DOCK8: variants seen among roughly 807,000 people sequenced by gnomAD.
DOCK8 encodes dedicator of cytokinesis protein 8.
DOCK8 carries 141 observed loss-of-function variants against 245.6 expected under a neutral mutation model. The ratio of observed to expected loss-of-function variants is 0.57; its 90% CI spans 0.50 to 0.66. The LOEUF is 0.66. Ranked by LOEUF, DOCK8 falls within the 30% of genes least tolerant of loss-of-function variation. The pLI, the probability that DOCK8 is intolerant of heterozygous loss-of-function variation, is 0.00. For missense variants in DOCK8, 2,965 were observed against 2,603.4 expected (o/e 1.14, Z -3.02); for synonymous variants, 1,168 against 970.2 (o/e 1.20, Z -3.79).
chr9:238,139 G>T (rs1412263865), intron 1 of DOCK8, among the ~76,000 whole-genome samples: 1 of 152,108 alleles, frequency 6.6e-6, no homozygotes, highest in Non-Finnish European at 1.5e-5. Context: ...ATTCATGTTG[G>T]CAGTTGTTTT....
At chr9:360,830 A>T (rs376367390) in intron 14 of DOCK8, among the ~76,000 whole-genome samples, 20 of 152,230 alleles carry the variant, frequency 1.3e-4, no homozygotes, top group Admixed American at 5.2e-4. Context: ...GATTTTAGTC[A>T]CTAAATGGAG....
chr9:290,420 T>A (rs1030076950), intron 4 of DOCK8, among the ~76,000 whole-genome samples: 2 of 152,186 alleles, frequency 1.3e-5, no homozygotes, highest in African/African-American at 4.8e-5. Context: ...GTCTTCTAAT[T>A]CTGATGAATT....
intron 2 of DOCK8, among the ~76,000 whole-genome samples, chr9:273,953 G>A (rs913818173): frequency 6.6e-5 from 10 of 152,102 alleles, no homozygotes; most frequent in Non-Finnish European, 1.0e-4. Context: ...TGATCCGCCC[G>A]CCTAGGCCTC....
chr9:291,455 A>C (rs2049034462), intron 4 of DOCK8, among the ~76,000 whole-genome samples: 2 of 152,212 alleles, frequency 1.3e-5, no homozygotes, highest in Non-Finnish European at 2.9e-5. Flanking sequence ...GTGAAAACTA[A>C]ATAAGATTAT....
At chr9:290,371 A>C (rs1369995572) in intron 4 of DOCK8, among the ~76,000 whole-genome samples, 1 of 152,160 alleles carries the variant, frequency 6.6e-6, no homozygotes, top group Non-Finnish European at 1.5e-5. Flanking sequence ...GGCCCAGGGA[A>C]GCCAAAAGTT....
chr9:420,133 G>T, intron 30 of DOCK8: 1 of 515,468 alleles, frequency 1.9e-6, no homozygotes, highest in Non-Finnish European at 3.5e-6. Flanking sequence ...TCCTAAGACA[G>T]AGGTACTCAG....
In DOCK8 at chr9:400,939, C is replaced by CTCTAGCAATATT. The variant is rs1564016546; in HGVS notation, c.3234+1680_3234+1681insTCTAGCAATATT. On this transcript the variant is annotated intron_variant, in intron 26 of 47. Coordinates refer to ENST00000432829, the MANE Select transcript of DOCK8 (RefSeq NM_203447.4). ...CCTTCACCATCACCACAACATCCAC[C>CTCTAGCAATATT]ACCACCATCACCACCACCACCACCA... Among the ~76,000 whole-genome samples the CTCTAGCAATATT allele has an allele frequency of 5.2e-5, 7 of 135,422 alleles. 2 individuals are homozygous for CTCTAGCAATATT. Among genetic ancestry groups the CTCTAGCAATATT allele is most frequent in the South Asian group, 2.5e-4 (1 of 4,010 alleles). The allele number at this position is 135,422 out of a possible 152,430, so 88.8% of individuals were successfully genotyped here.
At chr9:305,532 G>A (rs909679223) in intron 5 of DOCK8, among the ~76,000 whole-genome samples, 4 of 152,268 alleles carry the variant, frequency 2.6e-5, no homozygotes, top group African/African-American at 7.2e-5. Context: ...TGATCCGCCC[G>A]CCTCGGCCTC....
At chr9:240,573 G>A (rs531837457) in intron 1 of DOCK8, among the ~76,000 whole-genome samples, 17 of 152,200 alleles carry the variant, frequency 1.1e-4, no homozygotes, top group African/African-American at 3.4e-4. Context: ...AGCTATTAAT[G>A]TATTATGGAC....
intron 1 of DOCK8, among the ~76,000 whole-genome samples, chr9:239,295 C>A (rs1170945680): frequency 6.6e-6 from 1 of 152,212 alleles, no homozygotes; most frequent in East Asian, 1.9e-4. Flanking sequence ...GAAAGTTGGA[C>A]TTTAAATTTC....
intron 33 of DOCK8, among the ~76,000 whole-genome samples, chr9:422,550 T>C (rs1586987100): frequency 1.3e-5 from 2 of 152,246 alleles, no homozygotes; most frequent in Admixed American, 1.3e-4. Context: ...TAAAGTTGTT[T>C]TTTAAAATTG....
In DOCK8 at chr9:390,368, C is replaced by T. The variant is rs16937557; in HGVS notation, c.2875-103C>T. ...ACATCTAAGACACATGCTTCAGGAA[C>T]GAACAAGCTATTAAATTGGGGGGAA... On this transcript the variant is annotated intron_variant, in intron 23 of 47. Transcript: ENST00000432829. The T allele has an allele frequency of 1.0e-3, 1,087 of 1,069,540 alleles. 8 individuals are homozygous for T. The African/African-American group carries it at 0.014, about 14-fold the overall frequency. The allele number at this position is 1,069,540 out of a possible 1,614,324, so 66.3% of individuals were successfully genotyped here.
At chr9:326,547 C>T (rs1318769066) in intron 8 of DOCK8, among the ~76,000 whole-genome samples, 1 of 152,222 alleles carries the variant, frequency 6.6e-6, no homozygotes, top group African/African-American at 2.4e-5. Flanking sequence ...GCATTTCTAA[C>T]AGTCCCCTGC....
chr9:400,321 T>TTCA (rs2054827881), intron 26 of DOCK8, among the ~76,000 whole-genome samples: 1 of 39,662 alleles, frequency 2.5e-5, no homozygotes, highest in Admixed American at 2.7e-4. Flanking sequence ...CACCACCACC[T>TTCA]CCACCACCAC....
chr9:384,497 G>GC (rs1288319101), intron 22 of DOCK8, among the ~76,000 whole-genome samples: 10 of 152,212 alleles, frequency 6.6e-5, no homozygotes, highest in African/African-American at 2.4e-4. Flanking sequence ...GGGGCTGGGC[G>GC]CCAATACTGC....
chr9:322,777 G>A (rs895679898), intron 7 of DOCK8, among the ~76,000 whole-genome samples: 1 of 152,166 alleles, frequency 6.6e-6, no homozygotes, highest in Non-Finnish European at 1.5e-5. Context: ...CCAGGCAGCA[G>A]CTGGTGAGCC....
At chr9:424,605 T>C (rs569860467) in intron 33 of DOCK8, among the ~76,000 whole-genome samples, 1 of 152,236 alleles carries the variant, frequency 6.6e-6, no homozygotes, top group South Asian at 2.1e-4. Context: ...AGACAGGGTT[T>C]CACCATGTTG....
intron 7 of DOCK8, among the ~76,000 whole-genome samples, chr9:324,424 G>A (rs936805443): frequency 2.6e-5 from 4 of 152,074 alleles, no homozygotes; most frequent in Non-Finnish European, 4.4e-5. Flanking sequence ...CAAAGCCATG[G>A]GACATCAAGC....
intron 2 of DOCK8, among the ~76,000 whole-genome samples, chr9:282,093 T>G (rs2048613033): frequency 6.6e-6 from 1 of 152,202 alleles, no homozygotes; most frequent in African/African-American, 2.4e-5. Flanking sequence ...TATATGTTCT[T>G]TATCAAATTC....
Sources: gnomAD v4.1 joint callset for allele counts (sites outside exome capture counted in the v4.1 genomes callset) on GRCh38, gnomAD v4.1.1 for gene constraint, MANE v1.5 for transcripts, NCBI Gene and HGNC (gene_info 2026-07-23, HGNC 2026-07-21) for gene names.